CPEB2: variants seen among roughly 807,000 people sequenced by gnomAD.
CPEB2 encodes cytoplasmic polyadenylation element binding protein 2, also known as cytoplasmic polyadenylation element-binding protein 2.
CPEB2 carries 56 observed loss-of-function variants against 93.6 expected under a neutral mutation model. The ratio of observed to expected loss-of-function variants is 0.60; its 90% CI spans 0.48 to 0.75. The LOEUF (loss-of-function observed/expected upper bound fraction) is 0.75, where lower values mean the gene tolerates loss of function less well. Ranked by LOEUF, CPEB2 falls within the 30% of genes least tolerant of loss-of-function variation. CPEB2 has a pLI of 0.00. For missense variants in CPEB2, 1,579 were observed against 1,395.1 expected, an observed-to-expected ratio of 1.13 and a Z score of -2.10; for synonymous variants, 764 against 586.3, an observed-to-expected ratio of 1.30 and a Z score of -4.38.
At chr4:15,056,317 A>G (rs1430582145) in intron 8 of CPEB2, among the ~76,000 whole-genome samples, 2 of 152,276 alleles carry the variant, frequency 1.3e-5, no homozygotes, top group African/African-American at 4.8e-5. Flanking sequence ...AGAATTTTAA[A>G]AAGGAATTAG....
At chr4:15,036,031 T>G (rs1726572672) in intron 5 of CPEB2, among the ~76,000 whole-genome samples, 1 of 152,214 alleles carries the variant, frequency 6.6e-6, no homozygotes, top group South Asian at 2.1e-4. Context: ...GCAGTTATGG[T>G]TAATCTTTTC....
chr4:15,004,431 C>A, intron 1 of CPEB2, 96 bp downstream of exon 1: 2 of 942,092 alleles, frequency 2.1e-6, no homozygotes, highest in Non-Finnish European at 2.9e-6. Context: ...CGACCTTAGC[C>A]CCGAGAGAAG....
At chr4:15,037,905 T>C (rs1355908990) in intron 5 of CPEB2, among the ~76,000 whole-genome samples, 1 of 152,222 alleles carries the variant, frequency 6.6e-6, no homozygotes. Flanking sequence ...AATAGGTAGG[T>C]ATTTCTCATA....
intron 4 of CPEB2, among the ~76,000 whole-genome samples, chr4:15,024,570 T>TAA (rs753168392): frequency 6.6e-6 from 1 of 152,060 alleles, no homozygotes; most frequent in African/African-American, 2.4e-5. Context: ...TTCATGCCTG[T>TAA]GGTTCTGCAG....
In CPEB2 at chr4:15,061,984, T is replaced by C. The variant is rs145728986; in HGVS notation, c.2696-95T>C. The stretch of plus-strand genomic sequence containing the variant: ...CATTCTACTCCTGGTCAAATGATAA[T>C]ATACTATTGACTTTTACGTTTTACA... On this transcript the variant is annotated intron_variant, in intron 10 of 11. Transcript: ENST00000538197. 781 of 1,140,474 alleles carry C rather than the reference T, an allele frequency of 6.8e-4. 8 individuals carry two copies. In the East Asian group the frequency reaches 0.018, roughly 26 times the overall value. The allele number at this position is 1,140,474 out of a possible 1,614,324, so 70.6% of individuals were successfully genotyped here.
At chr4:15,005,317 G>A (rs1399603381) in intron 1 of CPEB2, among the ~76,000 whole-genome samples, 1 of 152,220 alleles carries the variant, frequency 6.6e-6, no homozygotes, top group Non-Finnish European at 1.5e-5. Flanking sequence ...TAGACTTTCG[G>A]TACATTTTTT....
chr4:15,029,997 GT>G (rs1725917048), intron 4 of CPEB2, among the ~76,000 whole-genome samples: 1 of 151,988 alleles, frequency 6.6e-6, no homozygotes, highest in African/African-American at 2.4e-5. Context: ...TATGTATGTA[GT>G]TTTTTGGTTT....
intron 3 of CPEB2, among the ~76,000 whole-genome samples, chr4:15,013,145 A>G (rs549194537): frequency 7.0e-6 from 1 of 143,800 alleles, no homozygotes; most frequent in South Asian, 2.8e-4. Flanking sequence ...ATACTCCTGT[A>G]AGTGTTTGTG....
chr4:15,059,142 CAT>C (rs1449866652), intron 9 of CPEB2, 43 bp from the exon 10 acceptor site: 1 of 1,145,850 alleles, frequency 8.7e-7, no homozygotes, highest in Non-Finnish European at 1.3e-6. Flanking sequence ...AGAAAATTCT[CAT>C]AAGACATCAA....
rs548890685 is a variant in CPEB2, at chr4:15,002,577, C to T, written c.-97C>T. ...CGGTGTCCCTCTCTCACTGACTCCC[C>T]CTCCTTCCACCACGGCCGCGCAACC... On this transcript the variant is annotated 5_prime_UTR_variant, in exon 1 of 12. Transcript: ENST00000538197. 5.9e-6 allele frequency: 6 copies of T among 1,018,958 alleles called. No individual in the cohort carries two copies. In the African/African-American group the frequency reaches 6.7e-5, roughly 11 times the overall value. The allele number at this position is 1,018,958 out of a possible 1,614,324, so 63.1% of individuals were successfully genotyped here. A position where few individuals can be genotyped will look rare whatever the true frequency, so the allele number is the denominator to read the frequency against.
rs537968661 is a variant in CPEB2, at chr4:15,043,796, G to A, written c.2200+3309G>A. On this transcript the variant is annotated intron_variant, in intron 6 of 11. Coordinates refer to ENST00000538197, the MANE Select transcript of CPEB2 (RefSeq NM_001177382.2). ...TTTTAAGCAAGGAAACCCAGAGCTT[G>A]AGTTAGTAGATTACATATGGGATGA... Among the ~76,000 whole-genome samples the A allele has an allele frequency of 9.9e-5, 15 of 152,202 alleles. No individual in the cohort carries two copies. In the East Asian group the frequency reaches 2.3e-3, roughly 24 times the overall value.
At chr4:15,015,412 C>G (rs1724007484) in intron 3 of CPEB2, among the ~76,000 whole-genome samples, 1 of 151,950 alleles carries the variant, frequency 6.6e-6, no homozygotes, top group South Asian at 2.1e-4. Context: ...GGTGATAAAG[C>G]TGGAATAAGA....
At chr4:15,043,707 T>C (rs2109057266) in intron 6 of CPEB2, among the ~76,000 whole-genome samples, 1 of 152,162 alleles carries the variant, frequency 6.6e-6, no homozygotes, top group African/African-American at 2.4e-5. Flanking sequence ...ATATATAGAA[T>C]ATTTTTAGTA....
chr4:15,005,191 T>G (rs1175677333), intron 1 of CPEB2: 1 of 152,202 alleles, frequency 6.6e-6, no homozygotes, highest in Non-Finnish European at 1.5e-5. Flanking sequence ...ACCGCTCGGG[T>G]TCAAACCGAG....
rs1021965554 is a variant in CPEB2 at position 15,059,116 on chromosome 4, G to C, written c.2581-71G>C. On this transcript the variant is annotated intron_variant, in intron 9 of 11. Coordinates refer to ENST00000538197, the MANE Select transcript of CPEB2 (RefSeq NM_001177382.2). ...GCAATAAAAGAATCACTATTAACTG[G>C]CAAAAACAAACAAACAGAAAATTCT... 19 of 861,674 alleles carry C rather than the reference G, an allele frequency of 2.2e-5. No individual in the cohort carries two copies. The African/African-American group carries it at 3.2e-4, about 15-fold the overall frequency. 53.4% of individuals were successfully genotyped at this position (861,674 alleles called of 1,614,324 possible).
At chr4:15,039,829 C>T (rs185977246) in intron 5 of CPEB2, among the ~76,000 whole-genome samples, 53 of 152,148 alleles carry the variant, frequency 3.5e-4, no homozygotes, top group Non-Finnish European at 3.7e-4. Flanking sequence ...TAGTAGATAG[C>T]TGTTATAACA....
intron 3 of CPEB2, among the ~76,000 whole-genome samples, chr4:15,013,526 A>G (rs1723750787): frequency 6.6e-6 from 1 of 152,100 alleles, no homozygotes; most frequent in Non-Finnish European, 1.5e-5. Context: ...AACTGATGGC[A>G]GTTTGCATGA....
intron 6 of CPEB2, among the ~76,000 whole-genome samples, chr4:15,046,888 A>G (rs1465815546): frequency 6.6e-6 from 1 of 152,182 alleles, no homozygotes; most frequent in Non-Finnish European, 1.5e-5. Flanking sequence ...ATCACTACCC[A>G]CAAGGTTATG....
intron 10 of CPEB2, 145 bp from the exon 11 acceptor site, chr4:15,061,934 T>A: frequency 1.4e-6 from 1 of 738,898 alleles, no homozygotes; most frequent in Non-Finnish European, 2.1e-6. Flanking sequence ...TCCCCGTCCT[T>A]TTTTAACAAC....
Sources: gnomAD v4.1 joint callset for allele counts (sites outside exome capture counted in the v4.1 genomes callset) on GRCh38, gnomAD v4.1.1 for gene constraint, MANE v1.5 for transcripts, NCBI Gene and HGNC (gene_info 2026-07-23, HGNC 2026-07-21) for gene names.